SCARB2: variants seen among roughly 807,000 people sequenced by gnomAD.
SCARB2 encodes scavenger receptor class B member 2.
Under a neutral mutation model 58.6 loss-of-function variants are expected in SCARB2, and 29 were observed. That is an observed-to-expected ratio of 0.49 (90% confidence interval 0.37 to 0.67). SCARB2 has a LOEUF of 0.67. Among genes scored for constraint, SCARB2 ranks in the 30% least tolerant of loss-of-function variants. SCARB2 has a pLI of 0.00. For synonymous variants in SCARB2, 195 were observed against 210.1 expected, an observed-to-expected ratio of 0.93 and a Z score of 0.62; for missense variants, 488 against 578.5, an observed-to-expected ratio of 0.84 and a Z score of 1.60.
At chr4:76,189,134 A>G (rs1732548201) in intron 2 of SCARB2, among the ~76,000 whole-genome samples, 1 of 152,244 alleles carries the variant, frequency 6.6e-6, no homozygotes, top group Non-Finnish European at 1.5e-5. Flanking sequence ...ACAAATATTC[A>G]TTAAATAGTA....
chr4:76,216,270 G>A (rs1352395109), upstream of SCARB2, among the ~76,000 whole-genome samples: 1 of 152,160 alleles, frequency 6.6e-6, no homozygotes, highest in Non-Finnish European at 1.5e-5. Context: ...CCTAGGCATT[G>A]GTTGAAGTCC....
At chr4:76,165,789 C>A (rs1425676241) in intron 10 of SCARB2, 1 of 151,386 alleles carries the variant, frequency 6.6e-6, no homozygotes, top group African/African-American at 2.5e-5. Context: ...TCAAACTGGG[C>A]GGAAGCAGGA....
intron 1 of SCARB2, among the ~76,000 whole-genome samples, chr4:76,208,166 A>C (rs1034571522): frequency 6.6e-5 from 10 of 152,178 alleles, no homozygotes; most frequent in Non-Finnish European, 1.3e-4. Flanking sequence ...AAATCTTTGT[A>C]AGTGATTTAG....
intron 5 of SCARB2, 95 bp downstream of exon 5, chr4:76,176,342 A>C (rs1732251056): frequency 6.1e-6 from 5 of 825,018 alleles, no homozygotes; most frequent in Middle Eastern, 2.3e-4. Flanking sequence ...TTTCATCCAA[A>C]AAAGGCTAAA....
chr4:76,219,692 G>A (rs1029657875), intron 1 of SCARB2, among the ~76,000 whole-genome samples: 2 of 152,108 alleles, frequency 1.3e-5, no homozygotes, highest in Admixed American at 1.3e-4. Flanking sequence ...GGAGTGGTGG[G>A]GAGAAGATAT....
intron 2 of SCARB2, among the ~76,000 whole-genome samples, chr4:76,189,525 CA>C (rs1442176445): frequency 6.6e-6 from 1 of 151,676 alleles, no homozygotes; most frequent in African/African-American, 2.4e-5. Flanking sequence ...CTCGGTCGCC[CA>C]GGCTGGCATT....
chr4:76,188,349 C>T (rs1403066648), intron 2 of SCARB2, among the ~76,000 whole-genome samples: 2 of 150,456 alleles, frequency 1.3e-5, no homozygotes, highest in African/African-American at 2.5e-5. Flanking sequence ...AAATAATACA[C>T]TTCATTCCTT....
At position 76,179,555 on chromosome 4, in the gene SCARB2, T is replaced by C; in HGVS notation, c.574A>G (p.Arg192Gly). The change falls in exon 4 of 12, where the codon AGG (arginine) becomes GGG (glycine). Residue 192 changes from arginine to glycine, a missense_variant. By Grantham distance (125) the Arg-to-Gly change is moderately radical (BLOSUM62 -2). Coordinates refer to ENST00000264896, the MANE Select transcript of SCARB2 (RefSeq NM_005506.4). ...CCAAAATAGGGAGAGATATCGGGCC[T>C]GAAAACATGGATAAGGGACAAGATT... is the stretch of plus-strand genomic sequence containing the variant. ...DEILSLIHVF[R>G]PDISPYFGLF... is the part of the protein sequence containing the mutation. The C allele has an allele frequency of 6.2e-7, 1 of 1,614,174 alleles. No individual in the cohort carries two copies.
rs1420982558 is a variant in SCARB2, at chr4:76,159,035, T to C, written c.*2678A>G. The C allele has an allele frequency of 3.9e-5, 6 of 152,238 alleles. No homozygotes were observed. Among genetic ancestry groups the C allele is most frequent in the Admixed American group, 3.9e-4 (6 of 15,282 alleles). 9.4% of individuals were successfully genotyped at this position (152,238 alleles called of 1,614,324 possible). A position where few individuals can be genotyped will look rare whatever the true frequency, so the allele number is the denominator to read the frequency against. On this transcript the variant is annotated 3_prime_UTR_variant, in exon 12 of 12. Coordinates refer to ENST00000264896, the MANE Select transcript of SCARB2 (RefSeq NM_005506.4). ...GCTTGTTCCACTTGACCATTAGTGATCTTTCTAGAACATGAGGAAATCAAG... is the reference window on the plus strand; with the variant it reads ...GCTTGTTCCACTTGACCATTAGTGACCTTTCTAGAACATGAGGAAATCAAG...
chr4:76,167,971 A>G lies in SCARB2; in HGVS notation c.1187+432T>C, dbSNP rs182273112. On this transcript the variant is annotated intron_variant, in intron 9 of 11. Transcript: ENST00000264896. ...CTGGATTACAGGCATGAGCCACTGT[A>G]CCCAGCCAGGTATTTCTTTATAGCA... Among the ~76,000 whole-genome samples, 121 of 152,182 alleles carry G rather than the reference A, an allele frequency of 8.0e-4. 3 individuals carry two copies. In the East Asian group the frequency reaches 0.016, roughly 20 times the overall value.
chr4:76,214,043 G>T, upstream of SCARB2: 1 of 323,354 alleles, frequency 3.1e-6, no homozygotes, highest in South Asian at 2.2e-5. Context: ...CGCTCCCAGC[G>T]CCCTGCACCG....
chr4:76,186,632 C>T (rs971223324), intron 2 of SCARB2, among the ~76,000 whole-genome samples: 1 of 152,156 alleles, frequency 6.6e-6, no homozygotes, highest in African/African-American at 2.4e-5. Context: ...GTGCAAGAAA[C>T]AGTTTCACTC....
intron 1 of SCARB2, among the ~76,000 whole-genome samples, chr4:76,211,045 G>A (rs2109971736): frequency 6.6e-6 from 1 of 152,282 alleles, no homozygotes; most frequent in South Asian, 2.1e-4. Flanking sequence ...CAATAAAGAT[G>A]ACTGCCACAT....
At chr4:76,218,521 C>T (rs1037230271), upstream of SCARB2, among the ~76,000 whole-genome samples, 1 of 152,226 alleles carries the variant, frequency 6.6e-6, no homozygotes, top group Non-Finnish European at 1.5e-5. Flanking sequence ...TCAAGAAGAC[C>T]TCATGGCTTC....
At chr4:76,211,671 G>GT (rs1247018794) in intron 1 of SCARB2, among the ~76,000 whole-genome samples, 3 of 152,168 alleles carry the variant, frequency 2.0e-5, no homozygotes, top group African/African-American at 7.2e-5. Context: ...GCCCAGGAGT[G>GT]TAACATCCTC....
At chr4:76,167,934 C>T (rs1240788322) in intron 9 of SCARB2, among the ~76,000 whole-genome samples, 1 of 152,136 alleles carries the variant, frequency 6.6e-6, no homozygotes, top group African/African-American at 2.4e-5. Context: ...CCCACCTTGG[C>T]CTCCCAAAGT....
intron 1 of SCARB2, among the ~76,000 whole-genome samples, chr4:76,225,037 T>C (rs1384371212): frequency 6.6e-6 from 1 of 152,158 alleles, no homozygotes; most frequent in African/African-American, 2.4e-5. Flanking sequence ...GAAGATACAA[T>C]GTTTGGTTTT....
At chr4:76,215,346 G>C (rs1733185694), upstream of SCARB2, among the ~76,000 whole-genome samples, 1 of 152,210 alleles carries the variant, frequency 6.6e-6, no homozygotes, top group South Asian at 2.1e-4. Flanking sequence ...CTTGAACCAG[G>C]ATGTAGGGCT....
At chr4:76,177,749 T>C (rs919796622) in intron 4 of SCARB2, among the ~76,000 whole-genome samples, 2 of 152,162 alleles carry the variant, frequency 1.3e-5, no homozygotes, top group Non-Finnish European at 2.9e-5. Context: ...CTGACAACAT[T>C]ACACTAAATT....
Sources: allele counts gnomAD v4.1 joint callset (sites outside exome capture counted in the v4.1 genomes callset), GRCh38; gene constraint gnomAD v4.1.1; transcripts MANE v1.5; gene names NCBI Gene and HGNC (gene_info 2026-07-23, HGNC 2026-07-21).